Variants in SCN11A observed in about 807,000 individuals in gnomAD.
SCN11A encodes the protein sodium channel protein type 11 subunit alpha.
In SCN11A, 122 loss-of-function variants were observed where a neutral mutation model predicts 162.2. That is an observed-to-expected ratio of 0.75 (90% confidence interval 0.65 to 0.87). The LOEUF (loss-of-function observed/expected upper bound fraction) is 0.87, where lower values mean the gene tolerates loss of function less well. SCN11A is among the 40% of genes least tolerant of loss of function. The probability of loss-of-function intolerance (pLI) is 0.00; values close to 1 mark genes in which losing one functional copy is unlikely to be tolerated. For synonymous variants in SCN11A, 758 were observed against 751.5 expected (o/e 1.01, Z -0.14); for missense variants, 2,015 against 2,181.6 (o/e 0.92, Z 1.52).
At chr3:38,950,750 T>G (rs2066600411) in intron 4 of SCN11A, among the ~76,000 whole-genome samples, 1 of 152,118 alleles carries the variant, frequency 6.6e-6, no homozygotes, top group Non-Finnish European at 1.5e-5. Flanking sequence ...AGCAGGCAAG[T>G]GGCCACATGG....
intron 1 of SCN11A, among the ~76,000 whole-genome samples, chr3:39,040,450 C>T (rs2032022099): frequency 6.6e-6 from 1 of 152,166 alleles, no homozygotes; most frequent in Non-Finnish European, 1.5e-5. Flanking sequence ...CAGAAATCAA[C>T]ATAGGAACAC....
intron 1 of SCN11A, among the ~76,000 whole-genome samples, chr3:39,036,425 AAGAG>A (rs2031907310): frequency 6.6e-6 from 1 of 152,196 alleles, no homozygotes; most frequent in East Asian, 1.9e-4. Flanking sequence ...GATTACAGGC[AAGAG>A]CCACCACACC....
intron 2 of SCN11A, among the ~76,000 whole-genome samples, chr3:39,017,160 TTCTC>T (rs942685682): frequency 6.6e-6 from 1 of 152,186 alleles, no homozygotes; most frequent in Non-Finnish European, 1.5e-5. Context: ...AGCTTGCTTC[TTCTC>T]TCTCTGCTCT....
intron 2 of SCN11A, among the ~76,000 whole-genome samples, chr3:38,966,645 GA>G (rs2066784335): frequency 6.6e-6 from 1 of 152,074 alleles, no homozygotes; most frequent in African/African-American, 2.4e-5. Context: ...TTGAAATATA[GA>G]ATACATTGTT....
chr3:39,001,843 G>A (rs1402316750), intron 2 of SCN11A, among the ~76,000 whole-genome samples: 1 of 152,100 alleles, frequency 6.6e-6, no homozygotes, highest in Non-Finnish European at 1.5e-5. Flanking sequence ...GACCATCCTG[G>A]CTAACACGGT....
rs7615085 is a variant in SCN11A, at chr3:38,865,695, T to C, written c.3951+1626A>G. Among the ~76,000 whole-genome samples, 1,370 of 151,942 alleles carry C rather than the reference T, an allele frequency of 9.0e-3. 28 individuals are homozygous for C. The highest frequency in any genetic ancestry group is 0.031 in the African/African-American group (1,304 of 41,482). ...TAAGTTAAATATGTTATTACAAAAATATAAGATGCATGTCACAAATTGGAC... is the reference window on the plus strand; with the variant it reads ...TAAGTTAAATATGTTATTACAAAAACATAAGATGCATGTCACAAATTGGAC... On this transcript the variant is annotated intron_variant, in intron 27 of 29. Transcript: ENST00000302328.
chr3:38,919,890 C>T lies in SCN11A; in HGVS notation c.959+45G>A, dbSNP rs10452012. The T allele has an allele frequency of 1.1e-3, 1,587 of 1,406,230 alleles. 16 individuals carry two copies. The African/African-American group carries it at 0.02, about 17-fold the overall frequency. 87.1% of individuals were successfully genotyped at this position (1,406,230 alleles called of 1,614,324 possible). A position where few individuals can be genotyped will look rare whatever the true frequency, so the allele number is the denominator to read the frequency against. ...TGTTTGCCACACCATTCTAAAAGGT[C>T]TAGAGGTACTCTTCTTGGGAGGAAA... On this transcript the variant is annotated intron_variant, in intron 11 of 29. Transcript: ENST00000302328.
intron 11 of SCN11A, among the ~76,000 whole-genome samples, chr3:38,912,230 T>C (rs2125539992): frequency 6.6e-6 from 1 of 152,270 alleles, no homozygotes; most frequent in South Asian, 2.1e-4. Flanking sequence ...AATATAAGCC[T>C]GTTTTGTTCA....
At chr3:38,951,781 T>C (rs1266786247) in intron 4 of SCN11A, among the ~76,000 whole-genome samples, 1 of 152,178 alleles carries the variant, frequency 6.6e-6, no homozygotes, top group Non-Finnish European at 1.5e-5. Context: ...ACTCTGTATC[T>C]AACTAATCTG....
intron 27 of SCN11A, among the ~76,000 whole-genome samples, chr3:38,864,776 A>G (rs887771948): frequency 6.6e-6 from 1 of 152,200 alleles, no homozygotes; most frequent in Non-Finnish European, 1.5e-5. Flanking sequence ...AACTTGGAAC[A>G]TCGTGGCATT....
Position 38,847,078 on chromosome 3 carries a change from T to C in SCN11A, c.4992A>G (p.Lys1664=), listed in dbSNP as rs951052695. 1.9e-6 allele frequency: 3 copies of C among 1,614,098 alleles called. No homozygotes were observed. Among genetic ancestry groups the C allele is most frequent in the Non-Finnish European group, 2.5e-6 (3 of 1,180,018 alleles). ...GCAAGTCCATTACTAGAAATTGATATTTATTTGGCTTTGCGACACGCAAAG... is the reference window on the plus strand; with the variant it reads ...GCAAGTCCATTACTAGAAATTGATACTTATTTGGCTTTGCGACACGCAAAG... The part of the protein sequence containing the change: ...PEPLRVAKPN[K]YQFLVMDLPM... The change falls in exon 30 of 30, where the codon AAA becomes AAG. Residue 1664 remains lysine (K), a synonymous_variant. Transcript: ENST00000302328.
At chr3:38,889,848 AAAATAAAATAAAATAAAAT>A (rs2065469382) in intron 19 of SCN11A, among the ~76,000 whole-genome samples, 3 of 142,104 alleles carry the variant, frequency 2.1e-5, no homozygotes, top group Non-Finnish European at 4.6e-5. Flanking sequence ...AAAATAAAAT[AAAATAAAATAAAATAAAAT>A]AAAGAAATAA....
intron 2 of SCN11A, among the ~76,000 whole-genome samples, chr3:38,984,544 C>T (rs1208038151): frequency 6.6e-6 from 1 of 151,788 alleles, no homozygotes; most frequent in Non-Finnish European, 1.5e-5. Flanking sequence ...AAGCCACACT[C>T]CTGTCCCCCA....
rs2030224980 is a variant in SCN11A, at chr3:38,985,959, GA to G, written c.-279-25537del. ...TCTGCTTTGCAGGTGGCTCACTCAT[GA>G]GGCAAGGTTGTACTGGCCATTGGTG... On this transcript the variant is annotated intron_variant, in intron 2 of 29. Coordinates refer to ENST00000302328, the MANE Select transcript of SCN11A (RefSeq NM_001349253.2). 1.3e-5 allele frequency among the ~76,000 whole-genome samples: 2 copies of G among 150,954 alleles called. 1 individual carries two copies. The highest frequency in any genetic ancestry group is 5.0e-5 in the African/African-American group (2 of 40,302).
Position 38,897,134 on chromosome 3 carries a change from G to C in SCN11A, c.2114C>G (p.Thr705Ser). 6.2e-7 allele frequency: 1 copy of C among 1,614,138 alleles called. No individual in the cohort carries two copies. The highest frequency in any genetic ancestry group is 8.5e-7 in the Non-Finnish European group (1 of 1,179,998). Reference protein sequence around the residue: ...GNSVGALGSLTVVLVIVIFIF... With the variant: ...GNSVGALGSLSVVLVIVIFIF... ...AAAGATCACAATGACCAGGACCACA[G>C]TCAGGCTTCCAAGGGCTCCGACAGA... The change falls in exon 18 of 30, where the codon ACT (threonine) becomes AGT (serine). Residue 705 changes from threonine to serine, a missense_variant. Coordinates refer to ENST00000302328, the MANE Select transcript of SCN11A (RefSeq NM_001349253.2).
In SCN11A at chr3:38,894,577, C is replaced by T. The variant is rs1405999926; in HGVS notation, c.2791G>A (p.Glu931Lys). Residue 931 changes from glutamate to lysine, a missense_variant, in exon 19 of 30, where the codon GAA (glutamate) becomes AAA (lysine). Coordinates refer to ENST00000302328, the MANE Select transcript of SCN11A (RefSeq NM_001349253.2). The stretch of plus-strand genomic sequence containing the variant: ...TGTGTGATGCGCTGTGCATTATCTT[C>T]ACCAGAAAATTCAACGTCATCTTCC... ...EEEDDVEFSG[E>K]DNAQRITQPE... 1 of 1,613,542 alleles carries T rather than the reference C, an allele frequency of 6.2e-7. No individual in the cohort carries two copies. The highest frequency in any genetic ancestry group is 8.5e-7 in the Non-Finnish European group (1 of 1,179,796).
chr3:38,968,844 A>G (rs1278637180), intron 2 of SCN11A, among the ~76,000 whole-genome samples: 1 of 152,218 alleles, frequency 6.6e-6, no homozygotes, highest in Non-Finnish European at 1.5e-5. Flanking sequence ...TAAAGTTTTC[A>G]TGTATTTAAA....
intron 15 of SCN11A, among the ~76,000 whole-genome samples, chr3:38,904,571 C>A (rs1003695149): frequency 2.6e-5 from 4 of 152,074 alleles, no homozygotes; most frequent in African/African-American, 9.7e-5. Context: ...GAGTTCAGAC[C>A]ATCCCTGATT....
At chr3:39,049,206 G>A (rs1469679048) in intron 1 of SCN11A, among the ~76,000 whole-genome samples, 1 of 152,206 alleles carries the variant, frequency 6.6e-6, no homozygotes, top group South Asian at 2.1e-4. Flanking sequence ...TATCAAAAAG[G>A]GTTATCTCCC....
Sources: allele counts gnomAD v4.1 joint callset (sites outside exome capture counted in the v4.1 genomes callset), GRCh38; gene constraint gnomAD v4.1.1; transcripts MANE v1.5; gene names NCBI Gene and HGNC (gene_info 2026-07-23, HGNC 2026-07-21).